MAPK4: variants seen among roughly 807,000 people sequenced by gnomAD.
The protein encoded by MAPK4 is mitogen-activated protein kinase 4.
A neutral mutation model predicts 47.7 loss-of-function variants in MAPK4; 22 were observed. The observed-to-expected ratio is 0.46, with a 90% CI of 0.33 to 0.66. The LOEUF (loss-of-function observed/expected upper bound fraction) is 0.66, where lower values mean the gene tolerates loss of function less well. Among genes scored for constraint, MAPK4 ranks in the 30% least tolerant of loss-of-function variants. The pLI is 0.02. For missense variants in MAPK4, 736 were observed against 831.7 expected (o/e 0.88, Z 1.42); for synonymous variants, 390 against 365.7 (o/e 1.07, Z -0.76).
chr18:50,567,994 A>G lies in MAPK4; in HGVS notation c.-871+7751A>G, dbSNP rs189490183. On this transcript the variant is annotated intron_variant, in intron 1 of 5. Transcript: ENST00000400384. The stretch of plus-strand genomic sequence containing the variant: ...GGCTGATCATGAGGTCAGGCGATCG[A>G]GACCATCCTGGCTAACACGGTGAAA... 1.7e-3 allele frequency among the ~76,000 whole-genome samples: 261 copies of G among 152,150 alleles called. 2 individuals carry two copies. The highest frequency in any genetic ancestry group is 4.7e-3 in the Admixed American group (72 of 15,288).
intron 3 of MAPK4, 112 bp downstream of exon 3, chr18:50,715,335 A>G: frequency 1.5e-6 from 2 of 1,297,038 alleles, no homozygotes; most frequent in South Asian, 1.5e-5. Context: ...TGCTGAAATT[A>G]CTTCTGTGGC....
chr18:50,716,492 C>A (rs965596756), intron 3 of MAPK4, among the ~76,000 whole-genome samples: 2 of 152,210 alleles, frequency 1.3e-5, no homozygotes, highest in African/African-American at 2.4e-5. Flanking sequence ...TCATCCATCC[C>A]CTCCACCCAG....
At chr18:50,612,093 C>T (rs1031594719) in intron 1 of MAPK4, among the ~76,000 whole-genome samples, 1 of 152,210 alleles carries the variant, frequency 6.6e-6, no homozygotes, top group African/African-American at 2.4e-5. Flanking sequence ...AAGCTCTCTT[C>T]ACCCTCCCAT....
intron 1 of MAPK4, among the ~76,000 whole-genome samples, chr18:50,636,922 A>C (rs2042893906): frequency 6.6e-6 from 1 of 152,186 alleles, no homozygotes; most frequent in Non-Finnish European, 1.5e-5. Context: ...CACGATGAGA[A>C]CATAAGGCCC....
chr18:50,668,397 A>C (rs952821156), intron 2 of MAPK4, among the ~76,000 whole-genome samples: 4 of 152,188 alleles, frequency 2.6e-5, no homozygotes, highest in African/African-American at 7.2e-5. Context: ...GCACGTGCCC[A>C]TTAGGTTCAT....
chr18:50,641,387 T>C (rs2042939784), intron 1 of MAPK4, among the ~76,000 whole-genome samples: 1 of 147,128 alleles, frequency 6.8e-6, no homozygotes, highest in South Asian at 2.1e-4. Context: ...TGGTGTTTTA[T>C]AGATACTTGA....
intron 2 of MAPK4, among the ~76,000 whole-genome samples, chr18:50,689,166 C>T (rs901242619): frequency 2.8e-5 from 4 of 145,074 alleles, no homozygotes; most frequent in East Asian, 4.0e-4. Flanking sequence ...GAGGCTGAGG[C>T]GGGCGGATCA....
At chr18:50,651,451 G>A (rs1299970858) in intron 1 of MAPK4, among the ~76,000 whole-genome samples, 1 of 152,220 alleles carries the variant, frequency 6.6e-6, no homozygotes, top group African/African-American at 2.4e-5. Context: ...GGCATTCCTT[G>A]TTCCTAGGAG....
chr18:50,667,675 G>A (rs1213811159), intron 2 of MAPK4, among the ~76,000 whole-genome samples: 1 of 152,160 alleles, frequency 6.6e-6, no homozygotes, highest in East Asian at 1.9e-4. Context: ...GACAGCCCAG[G>A]GCCAGCGATA....
rs1462097658 is a variant in MAPK4, at chr18:50,704,476, G to A, written c.547-10603G>A. On this transcript the variant is annotated intron_variant, in intron 2 of 5. Coordinates refer to ENST00000400384, the MANE Select transcript of MAPK4 (RefSeq NM_002747.4). ...AGCCTGGGTGACAAAGTGAGACCCT[G>A]TCTCCAAAAAAAAAGCAAGACAATC... 8 of 397,792 alleles carry A rather than the reference G, an allele frequency of 2.0e-5. No homozygotes were observed. In the South Asian group the frequency reaches 6.6e-4, roughly 33 times the overall value. 24.6% of individuals were successfully genotyped at this position (397,792 alleles called of 1,614,324 possible).
chr18:50,627,578 G>A lies in MAPK4; in HGVS notation c.-870-35511G>A, dbSNP rs148256834. Among the ~76,000 whole-genome samples, 17 of 152,302 alleles carry A rather than the reference G, an allele frequency of 1.1e-4. 1 individual carries two copies. The East Asian group carries it at 3.3e-3, about 29-fold the overall frequency. On this transcript the variant is annotated intron_variant, in intron 1 of 5. Transcript: ENST00000400384. Reference sequence around the variant, plus strand: ...GTGTTGTCTTCAAACCAAAGTTGTTGCTTATAAGGACCCCTTGCCTGCATT... The same window carrying A: ...GTGTTGTCTTCAAACCAAAGTTGTTACTTATAAGGACCCCTTGCCTGCATT...
intron 2 of MAPK4, among the ~76,000 whole-genome samples, chr18:50,685,997 T>C (rs1024252338): frequency 5.9e-5 from 9 of 151,700 alleles, no homozygotes; most frequent in Admixed American, 1.3e-4. Context: ...GGTAAGGACA[T>C]AGAAATCAGC....
chr18:50,583,110 G>C (rs1645769547), intron 1 of MAPK4, among the ~76,000 whole-genome samples: 1 of 152,206 alleles, frequency 6.6e-6, no homozygotes, highest in Non-Finnish European at 1.5e-5. Context: ...GTAAGGGAGA[G>C]AAGAATTTTA....
intron 2 of MAPK4, chr18:50,706,140 T>A (rs564611525): frequency 1.3e-5 from 2 of 152,314 alleles, no homozygotes; most frequent in African/African-American, 2.4e-5. Context: ...ATTATTATGA[T>A]CAGTGATTTT....
intron 2 of MAPK4, among the ~76,000 whole-genome samples, chr18:50,688,979 C>T (rs1598913638): frequency 6.6e-6 from 1 of 152,060 alleles, no homozygotes. Flanking sequence ...ATCCTGCTGG[C>T]CTGGTGCGGT....
chr18:50,604,662 G>A (rs1196533519), intron 1 of MAPK4, among the ~76,000 whole-genome samples: 1 of 152,194 alleles, frequency 6.6e-6, no homozygotes. Flanking sequence ...TTTTGTCTTG[G>A]TCTAAAAGAC....
At chr18:50,575,279 C>A (rs545245197) in intron 1 of MAPK4, among the ~76,000 whole-genome samples, 5 of 152,158 alleles carry the variant, frequency 3.3e-5, no homozygotes, top group Non-Finnish European at 7.4e-5. Context: ...AGACACTGAA[C>A]CTGCCAGTTC....
intron 1 of MAPK4, among the ~76,000 whole-genome samples, chr18:50,587,357 G>A (rs1464889341): frequency 1.3e-5 from 2 of 152,176 alleles, no homozygotes; most frequent in Non-Finnish European, 2.9e-5. Flanking sequence ...CACCGAATTT[G>A]CCAGTGCCTT....
At chr18:50,599,575 A>C (rs1049377353) in intron 1 of MAPK4, among the ~76,000 whole-genome samples, 1 of 151,898 alleles carries the variant, frequency 6.6e-6, no homozygotes, top group African/African-American at 2.4e-5. Flanking sequence ...GTGCCACCAC[A>C]CCCGGCTAAT....
Sources: allele counts gnomAD v4.1 joint callset (sites outside exome capture counted in the v4.1 genomes callset), GRCh38; gene constraint gnomAD v4.1.1; transcripts MANE v1.5; gene names NCBI Gene and HGNC (gene_info 2026-07-23, HGNC 2026-07-21).